The following LSAMP variants were observed in gnomAD, a reference collection of about 807,000 sequenced individuals.
LSAMP encodes the protein limbic system associated membrane protein, also known as limbic system-associated membrane protein.
Under a neutral mutation model 38.6 loss-of-function variants are expected in LSAMP, and 7 were observed. The ratio of observed to expected loss-of-function variants is 0.18; its 90% confidence interval spans 0.10 to 0.34. The LOEUF (loss-of-function observed/expected upper bound fraction) is 0.34, where lower values mean the gene tolerates loss of function less well. Ranked by LOEUF, LSAMP falls within the 10% of genes least tolerant of loss-of-function variation. The pLI, the probability that LSAMP is intolerant of heterozygous loss-of-function variation, is 1.00. For synonymous variants in LSAMP, 154 were observed against 166.8 expected (o/e 0.92, Z 0.59); for missense variants, 313 against 420.0 (o/e 0.75, Z 2.23).
chr3:115,960,381 C>T (rs9849995), intron 3 of LSAMP, among the ~76,000 whole-genome samples: 52,019 of 152,042 alleles, frequency 0.34, 10,617 homozygotes, highest in African/African-American at 0.58. Flanking sequence ...GCTATTTTGT[C>T]ATGTCAGCCT....
chr3:116,168,002 A>T (rs1419065749), intron 1 of LSAMP, among the ~76,000 whole-genome samples: 1 of 152,212 alleles, frequency 6.6e-6, no homozygotes, highest in Admixed American at 6.5e-5. Flanking sequence ...TTGAAGAAGG[A>T]AAACCAACTC....
chr3:116,119,990 AG>A (rs747558176), intron 1 of LSAMP, among the ~76,000 whole-genome samples: 1 of 152,176 alleles, frequency 6.6e-6, no homozygotes, highest in South Asian at 2.1e-4. Context: ...CTTTATAAAG[AG>A]GAGGCCATGT....
At position 116,445,022 on chromosome 3, in the gene LSAMP, T is replaced by C. The variant is rs2049491075; in HGVS notation, c.10A>G (p.Arg4Gly). 1 of 1,611,954 alleles carries C rather than the reference T, an allele frequency of 6.2e-7. No homozygotes were observed. The highest frequency in any genetic ancestry group is 1.1e-5 in the South Asian group (1 of 91,030). MVR[R>G]VQPDRKQLPL... ...AACTGTTTCCGATCCGGCTGAACTCTCCTGACCATGGTGGCCACGCCGAGG... is the reference window on the plus strand; with the variant it reads ...AACTGTTTCCGATCCGGCTGAACTCCCCTGACCATGGTGGCCACGCCGAGG... Residue 4 changes from arginine (R) to glycine (G), a missense_variant, in exon 1 of 7, where the codon AGA becomes GGA. By Grantham distance (125) the Arg-to-Gly change is moderately radical. Transcript: ENST00000490035.
intron 1 of LSAMP, among the ~76,000 whole-genome samples, chr3:116,382,420 C>T (rs943056963): frequency 3.3e-5 from 5 of 150,884 alleles, no homozygotes; most frequent in African/African-American, 1.2e-4. Flanking sequence ...AACCAAACAC[C>T]TCATATTCTC....
chr3:116,354,326 C>A (rs764686992), intron 1 of LSAMP, among the ~76,000 whole-genome samples: 2 of 152,162 alleles, frequency 1.3e-5, no homozygotes, highest in Non-Finnish European at 2.9e-5. Context: ...ATGCTACCTG[C>A]CTCTTCATGT....
intron 1 of LSAMP, among the ~76,000 whole-genome samples, chr3:116,166,630 T>C (rs1174213149): frequency 6.6e-6 from 1 of 152,130 alleles, no homozygotes. Context: ...TATAATTGCA[T>C]TGGACCATAG....
At chr3:115,905,884 G>A (rs1489301846) in intron 3 of LSAMP, among the ~76,000 whole-genome samples, 2 of 152,138 alleles carry the variant, frequency 1.3e-5, no homozygotes, top group Non-Finnish European at 2.9e-5. Context: ...GGTCTTGATA[G>A]TGGGGAATTA....
At chr3:116,170,546 T>C (rs922432659) in intron 1 of LSAMP, among the ~76,000 whole-genome samples, 2 of 152,206 alleles carry the variant, frequency 1.3e-5, no homozygotes, top group Non-Finnish European at 2.9e-5. Context: ...ACATGTGTTA[T>C]AAGAGCTAGC....
At chr3:116,268,153 C>T (rs1244447497) in intron 1 of LSAMP, among the ~76,000 whole-genome samples, 2 of 151,998 alleles carry the variant, frequency 1.3e-5, no homozygotes, top group Non-Finnish European at 2.9e-5. Flanking sequence ...AATCCTAACA[C>T]ATCCTTTTTC....
chr3:116,200,116 ACACAC>A (rs1158301106), intron 1 of LSAMP, among the ~76,000 whole-genome samples: 87 of 152,014 alleles, frequency 5.7e-4, no homozygotes, highest in Middle Eastern at 3.4e-3. Context: ...ACACACACAC[ACACAC>A]ACACACAGCT....
chr3:116,278,380 AT>A (rs1211923142), intron 1 of LSAMP, among the ~76,000 whole-genome samples: 2 of 152,058 alleles, frequency 1.3e-5, no homozygotes, highest in Admixed American at 6.6e-5. Flanking sequence ...CTATTAGCTG[AT>A]TTTTTTACTG....
intron 3 of LSAMP, among the ~76,000 whole-genome samples, chr3:115,927,760 C>G (rs748273778): frequency 6.6e-6 from 1 of 152,104 alleles, no homozygotes; most frequent in African/African-American, 2.4e-5. Context: ...TCCAGAAGGC[C>G]GCCTGGCCCC....
At chr3:115,965,371 A>C (rs948983388) in intron 3 of LSAMP, among the ~76,000 whole-genome samples, 2 of 151,986 alleles carry the variant, frequency 1.3e-5, no homozygotes, top group African/African-American at 4.8e-5. Flanking sequence ...TGTACAGAAA[A>C]TATCAATTCT....
chr3:115,991,779 G>A (rs1328557893), intron 3 of LSAMP, among the ~76,000 whole-genome samples: 1 of 151,586 alleles, frequency 6.6e-6, no homozygotes, highest in Non-Finnish European at 1.5e-5. Context: ...AAGACAGGCA[G>A]GCTGTTACTA....
intron 3 of LSAMP, among the ~76,000 whole-genome samples, chr3:115,864,612 C>T (rs1391802679): frequency 6.6e-6 from 1 of 152,142 alleles, no homozygotes; most frequent in African/African-American, 2.4e-5. Context: ...TGTTCTAGCT[C>T]AAGTCTTCTA....
chr3:116,104,847 G>A (rs1223956705), intron 1 of LSAMP, among the ~76,000 whole-genome samples: 1 of 152,102 alleles, frequency 6.6e-6, no homozygotes, highest in Non-Finnish European at 1.5e-5. Context: ...TTCCTTCTCT[G>A]TCAGATGAAA....
At chr3:116,389,503 G>C (rs928974651) in intron 1 of LSAMP, among the ~76,000 whole-genome samples, 6 of 152,058 alleles carry the variant, frequency 3.9e-5, no homozygotes, top group African/African-American at 1.4e-4. Context: ...TGTATTCCTT[G>C]TCCCTCTAAT....
intron 1 of LSAMP, among the ~76,000 whole-genome samples, chr3:116,166,798 T>G (rs954651981): frequency 1.4e-5 from 2 of 146,278 alleles, no homozygotes; most frequent in Admixed American, 6.8e-5. Context: ...TTTTTTTTTT[T>G]TTTTTTGAGA....
intron 3 of LSAMP, among the ~76,000 whole-genome samples, chr3:115,898,598 C>CATATATATATATATATAT (rs10527269): frequency 9.4e-4 from 134 of 141,992 alleles, no homozygotes; most frequent in African/African-American, 3.3e-3. Context: ...CATGAAGATG[C>CATATATATATATATATAT]ATATATATAT....
Sources: gnomAD v4.1 joint callset for allele counts (sites outside exome capture counted in the v4.1 genomes callset) on GRCh38, gnomAD v4.1.1 for gene constraint, MANE v1.5 for transcripts, NCBI Gene and HGNC (gene_info 2026-07-23, HGNC 2026-07-21) for gene names.